The following LRRC37A variants were observed in gnomAD, a reference collection of about 807,000 sequenced individuals.
LRRC37A encodes the protein leucine rich repeat containing 37A.
A neutral mutation model predicts 35.4 loss-of-function variants in LRRC37A; 3 were observed. The ratio of observed to expected loss-of-function variants is 0.08; its 90% CI spans 0.04 to 0.22. LRRC37A has a LOEUF of 0.22. Ranked by LOEUF, LRRC37A falls within the 10% of genes least tolerant of loss-of-function variation. The pLI is 1.00. For missense variants in LRRC37A, 67 were observed against 565.3 expected (o/e 0.12, Z 8.94); for synonymous variants, 23 against 215.0 (o/e 0.11, Z 7.81).
chr17:46,267,390 G>A, the LRRC37A span: 25 of 1,603,384 alleles, frequency 1.6e-5, no homozygotes, highest in South Asian at 2.3e-4. Context: ...CCCTGCTGGT[G>A]GATCGGGACG....
chr17:46,261,345 G>A, the LRRC37A span, among the ~76,000 whole-genome samples: 1 of 152,244 alleles, frequency 6.6e-6, no homozygotes, highest in African/African-American at 2.4e-5. Flanking sequence ...TACATGGTAT[G>A]TGAATACCAG....
At chr17:46,265,247 T>C in the LRRC37A span, among the ~76,000 whole-genome samples, 1 of 634 alleles carries the variant, frequency 1.6e-3, no homozygotes, top group Non-Finnish European at 4.2e-3. Context: ...CAAATTTCCT[T>C]TCTTCTTCTT....
At chr17:46,250,916 C>T in the LRRC37A span, among the ~76,000 whole-genome samples, 1 of 152,134 alleles carries the variant, frequency 6.6e-6, no homozygotes, top group Non-Finnish European at 1.5e-5. Flanking sequence ...TCTCCTTCCT[C>T]TTCCTCTTCT....
chr17:46,256,648 A>C, the LRRC37A span, among the ~76,000 whole-genome samples: 2 of 152,192 alleles, frequency 1.3e-5, no homozygotes, highest in South Asian at 2.1e-4. Flanking sequence ...GCCTCTTTAC[A>C]TATGATTAGC....
the LRRC37A span, among the ~76,000 whole-genome samples, chr17:46,255,454 C>T: frequency 6.8e-6 from 1 of 146,528 alleles, no homozygotes; most frequent in African/African-American, 2.5e-5. Context: ...CAACCTCCAC[C>T]TTTCAGGTTC....
rs999046711 is a variant in LRRC37A, at chr17:46,322,551, A to C, written c.2978+158A>C. ...ATTGGCGAAGAAAAAAATTAAGAGG[A>C]TGTATAATGGTCAAGACAGCCAGCA... On this transcript the variant is annotated intron_variant, in intron 6 of 13. Transcript: ENST00000320254. Among the ~76,000 whole-genome samples the C allele has an allele frequency of 4.3e-4, 43 of 99,480 alleles. 2 individuals carry two copies. Among genetic ancestry groups the C allele is most frequent in the African/African-American group, 1.4e-3 (43 of 29,896 alleles). 65.3% of individuals were successfully genotyped at this position (99,480 alleles called of 152,430 possible).
In LRRC37A at chr17:46,314,864, GA is replaced by G. The variant is rs1281625322; in HGVS notation, c.2907-7455del. On this transcript the variant is annotated intron_variant, in intron 5 of 13. Transcript: ENST00000320254. ...ATATCACCCTCATAGAATAAGTTAG[GA>G]AATGTTCTCTCCTCATCTGTATTTT... Among the ~76,000 whole-genome samples the G allele has an allele frequency of 2.5e-5, 2 of 81,216 alleles. 1 individual carries two copies. The highest frequency in any genetic ancestry group is 6.3e-5 in the African/African-American group (2 of 31,892). The allele number at this position is 81,216 out of a possible 152,430, so 53.3% of individuals were successfully genotyped here. A position where few individuals can be genotyped will look rare whatever the true frequency, so the allele number is the denominator to read the frequency against.
the LRRC37A span, among the ~76,000 whole-genome samples, chr17:46,270,138 CAG>C: frequency 6.6e-6 from 1 of 152,158 alleles, no homozygotes; most frequent in Non-Finnish European, 1.5e-5. Flanking sequence ...TAAAGAGAGA[CAG>C]GGGAAGGAAT....
At chr17:46,281,864 A>G in the LRRC37A span, among the ~76,000 whole-genome samples, 1 of 152,064 alleles carries the variant, frequency 6.6e-6, no homozygotes, top group African/African-American at 2.4e-5. Flanking sequence ...GGCTGGTCTC[A>G]AACTCCTGAC....
the LRRC37A span, among the ~76,000 whole-genome samples, chr17:46,276,071 T>C: frequency 6.6e-6 from 1 of 152,130 alleles, no homozygotes; most frequent in Non-Finnish European, 1.5e-5. Flanking sequence ...TTGTACTTTT[T>C]GTAGAGACGA....
At chr17:46,248,089 G>A in the LRRC37A span, among the ~76,000 whole-genome samples, 16 of 151,990 alleles carry the variant, frequency 1.1e-4, no homozygotes, top group South Asian at 1.2e-3. Context: ...CTTCAGAGAC[G>A]TGGGAACAAC....
the LRRC37A span, among the ~76,000 whole-genome samples, chr17:46,280,449 G>A: frequency 2.0e-5 from 3 of 152,338 alleles, no homozygotes; most frequent in Non-Finnish European, 4.4e-5. Flanking sequence ...CAAGGTTGGC[G>A]GGAGGATCGC....
the LRRC37A span, among the ~76,000 whole-genome samples, chr17:46,263,550 CA>C: frequency 0.059 from 3,674 of 62,170 alleles, 1 homozygote; most frequent in Admixed American, 0.076. Context: ...GACTCTGTCT[CA>C]AAAAAAAAAA....
chr17:46,248,210 T>G, the LRRC37A span, among the ~76,000 whole-genome samples: 1 of 151,510 alleles, frequency 6.6e-6, no homozygotes, highest in Admixed American at 6.6e-5. Context: ...GTTTTTAGGT[T>G]TGTTTTATTA....
intron 5 of LRRC37A, chr17:46,309,369 T>C (rs1456879041): frequency 1.4e-4 from 1 of 6,908 alleles, no homozygotes; most frequent in African/African-American, 3.6e-4. Flanking sequence ...GTTAAGTATG[T>C]TTATATTTTT....
chr17:46,287,171 TG>T, the LRRC37A span, among the ~76,000 whole-genome samples: 1 of 152,252 alleles, frequency 6.6e-6, no homozygotes, highest in African/African-American at 2.4e-5. Flanking sequence ...GTCACTCACA[TG>T]GGTTTCAACA....
At chr17:46,280,070 C>A in the LRRC37A span, among the ~76,000 whole-genome samples, 2 of 152,038 alleles carry the variant, frequency 1.3e-5, no homozygotes, top group African/African-American at 4.8e-5. Flanking sequence ...GTTTTCTGAA[C>A]CCAAATAAAT....
the LRRC37A span, among the ~76,000 whole-genome samples, chr17:46,279,340 T>G: frequency 6.6e-6 from 1 of 151,810 alleles, no homozygotes; most frequent in Non-Finnish European, 1.5e-5. Context: ...CCTACCACAA[T>G]GCCTGGCTAA....
upstream of LRRC37A, among the ~76,000 whole-genome samples, chr17:46,289,815 A>G (rs2050017136): frequency 6.6e-6 from 1 of 152,144 alleles, no homozygotes; most frequent in Non-Finnish European, 1.5e-5. Flanking sequence ...AATTAATTTT[A>G]TTTTTCCTTC....
Sources: gnomAD v4.1 joint callset for allele counts (sites outside exome capture counted in the v4.1 genomes callset) on GRCh38, gnomAD v4.1.1 for gene constraint, MANE v1.5 for transcripts, NCBI Gene and HGNC (gene_info 2026-07-23, HGNC 2026-07-21) for gene names.